APP: variants seen among roughly 807,000 people sequenced by gnomAD.
The protein encoded by APP is amyloid-beta precursor protein.
APP carries 31 observed loss-of-function variants against 101.4 expected under a neutral mutation model. The ratio of observed to expected loss-of-function variants is 0.31; its 90% CI spans 0.23 to 0.41. APP has a LOEUF of 0.41. Among genes scored for constraint, APP ranks in the 10% least tolerant of loss-of-function variants. The probability of loss-of-function intolerance (pLI) is 1.00; values close to 1 mark genes in which losing one functional copy is unlikely to be tolerated. For synonymous variants in APP, 366 were observed against 364.4 expected (o/e 1.00, Z -0.05); for missense variants, 839 against 1,003.7 (o/e 0.84, Z 2.22).
chr21:26,167,326 A>C (rs2063639160), intron 1 of APP, among the ~76,000 whole-genome samples: 1 of 152,208 alleles, frequency 6.6e-6, no homozygotes, highest in Admixed American at 6.5e-5. Flanking sequence ...GGAAGCTTTA[A>C]ATTTAAAATG....
chr21:25,975,329 T>C, intron 10 of APP, 101 bp from the exon 11 acceptor site: 1 of 1,467,374 alleles, frequency 6.8e-7, no homozygotes, highest in Non-Finnish European at 9.5e-7. Context: ...TTTCTTCTAG[T>C]GCTAAAAAGT....
intron 11 of APP, among the ~76,000 whole-genome samples, chr21:25,959,397 C>T (rs763665644): frequency 2.6e-5 from 4 of 152,216 alleles, no homozygotes; most frequent in Non-Finnish European, 5.9e-5. Context: ...TCCACCACTG[C>T]ACTACAGCCT....
At chr21:26,137,044 C>CCCACCT (rs1245866050) in intron 1 of APP, among the ~76,000 whole-genome samples, 7 of 86,560 alleles carry the variant, frequency 8.1e-5, no homozygotes, top group African/African-American at 7.2e-4. Flanking sequence ...AAGAGATCCT[C>CCCACCT]CCGCCTCCAC....
intron 13 of APP, among the ~76,000 whole-genome samples, chr21:25,941,117 T>C (rs1207165798): frequency 6.6e-6 from 1 of 152,220 alleles, no homozygotes; most frequent in Non-Finnish European, 1.5e-5. Context: ...TAAGTGGTAA[T>C]TCACTGACAT....
At chr21:26,146,439 ATGAGAT>A (rs2063156360) in intron 1 of APP, among the ~76,000 whole-genome samples, 1 of 152,238 alleles carries the variant, frequency 6.6e-6, no homozygotes, top group Admixed American at 6.5e-5. Context: ...CCTGACGACT[ATGAGAT>A]TGAGCATATC....
intron 5 of APP, among the ~76,000 whole-genome samples, chr21:26,043,566 G>A (rs1189686920): frequency 2.0e-5 from 3 of 152,296 alleles, no homozygotes; most frequent in East Asian, 3.9e-4. Context: ...TAGTTTTGGT[G>A]ACACTATTAA....
At chr21:25,996,562 C>A (rs150181616) in intron 8 of APP, among the ~76,000 whole-genome samples, 3 of 152,206 alleles carry the variant, frequency 2.0e-5, no homozygotes, top group Non-Finnish European at 4.4e-5. Flanking sequence ...GAAATGGTAA[C>A]CTTTGCTCTC....
At chr21:26,119,675 T>G (rs2062519926) in intron 1 of APP, among the ~76,000 whole-genome samples, 2 of 145,300 alleles carry the variant, frequency 1.4e-5, no homozygotes, top group African/African-American at 4.9e-5. Flanking sequence ...GTAGTGGGAG[T>G]GCTAGAATGA....
chr21:26,026,742 A>G (rs2044593660), intron 5 of APP, among the ~76,000 whole-genome samples: 1 of 152,244 alleles, frequency 6.6e-6, no homozygotes, highest in Admixed American at 6.5e-5. Context: ...GGGGATAGTA[A>G]AAGTACTCAG....
intron 10 of APP, 97 bp downstream of exon 10, chr21:25,975,857 A>T: frequency 1.1e-6 from 1 of 945,984 alleles, no homozygotes; most frequent in Non-Finnish European, 1.7e-6. Context: ...ATGAACAATC[A>T]CACGTGAGGT....
At chr21:26,154,226 G>A (rs2063331852) in intron 1 of APP, among the ~76,000 whole-genome samples, 1 of 152,132 alleles carries the variant, frequency 6.6e-6, no homozygotes, top group African/African-American at 2.4e-5. Context: ...TGTGTTTCCA[G>A]AAGCCCAGAA....
intron 8 of APP, among the ~76,000 whole-genome samples, chr21:25,996,370 A>T (rs1475770475): frequency 6.6e-6 from 1 of 151,096 alleles, no homozygotes; most frequent in Non-Finnish European, 1.5e-5. Flanking sequence ...AACACACATA[A>T]ATTGAAATCT....
At chr21:25,946,338 A>G (rs887775977) in intron 13 of APP, among the ~76,000 whole-genome samples, 2 of 152,250 alleles carry the variant, frequency 1.3e-5, no homozygotes, top group African/African-American at 2.4e-5. Flanking sequence ...AGAATTTAAT[A>G]GTATCCAGAA....
chr21:26,098,030 A>C (rs2061984234), intron 2 of APP, among the ~76,000 whole-genome samples: 1 of 139,600 alleles, frequency 7.2e-6, no homozygotes, highest in Admixed American at 7.6e-5. Flanking sequence ...CAGTGAGCCG[A>C]GATCGCGCCA....
chr21:25,962,987 G>C (rs553353533), intron 11 of APP, among the ~76,000 whole-genome samples: 2 of 152,080 alleles, frequency 1.3e-5, no homozygotes, highest in South Asian at 2.1e-4. Context: ...CCTAATTTTT[G>C]TATTTTTAGT....
intron 1 of APP, among the ~76,000 whole-genome samples, chr21:26,122,377 G>T (rs1006893742): frequency 6.6e-6 from 1 of 152,174 alleles, no homozygotes; most frequent in Non-Finnish European, 1.5e-5. Context: ...TGAAGTTAAA[G>T]ACCCTTACCA....
chr21:26,108,195 C>T (rs1315613902), intron 2 of APP, among the ~76,000 whole-genome samples: 1 of 152,184 alleles, frequency 6.6e-6, no homozygotes, highest in Non-Finnish European at 1.5e-5. Flanking sequence ...TCCTCACTGC[C>T]ACGTGAAACG....
At chr21:26,166,125 G>GA (rs769594867) in intron 1 of APP, among the ~76,000 whole-genome samples, 2 of 151,986 alleles carry the variant, frequency 1.3e-5, no homozygotes, top group Non-Finnish European at 2.9e-5. Flanking sequence ...ACACTAAACT[G>GA]AAAAAATAGT....
At chr21:25,986,875 A>G (rs1381361205) in intron 8 of APP, among the ~76,000 whole-genome samples, 1 of 152,244 alleles carries the variant, frequency 6.6e-6, no homozygotes, top group Non-Finnish European at 1.5e-5. Context: ...ACATGGGAAG[A>G]AAAAATTACC....
Sources: gnomAD v4.1 joint callset for allele counts (sites outside exome capture counted in the v4.1 genomes callset) on GRCh38, gnomAD v4.1.1 for gene constraint, MANE v1.5 for transcripts, NCBI Gene and HGNC (gene_info 2026-07-23, HGNC 2026-07-21) for gene names.